Variants in OR5V1 observed in about 807,000 individuals in gnomAD.
OR5V1 encodes olfactory receptor family 5 subfamily V member 1.
For missense variants in OR5V1, 365 were observed against 371.5 expected (o/e 0.98, Z 0.14); for synonymous variants, 134 against 143.2 (o/e 0.94, Z 0.46).
intron 1 of OR5V1, among the ~76,000 whole-genome samples, chr6:29,361,410 C>A (rs1562930289): frequency 6.6e-6 from 1 of 152,000 alleles, no homozygotes; most frequent in Admixed American, 6.6e-5. Flanking sequence ...GGTCAACATC[C>A]AAATTCAGGA....
chr6:29,362,157 A>T (rs1778594064), intron 1 of OR5V1, among the ~76,000 whole-genome samples: 1 of 152,336 alleles, frequency 6.6e-6, no homozygotes, highest in South Asian at 2.1e-4. Flanking sequence ...GATAAAACAG[A>T]ATTTAAACCG....
chr6:29,358,238 C>A (rs1358996353), intron 1 of OR5V1, among the ~76,000 whole-genome samples: 1 of 152,102 alleles, frequency 6.6e-6, no homozygotes, highest in African/African-American at 2.4e-5. Context: ...TCTCTATCTC[C>A]CCTTTCATCT....
Position 29,355,501 on chromosome 6 carries a change from T to C in OR5V1, c.695A>G (p.Glu232Gly). The change falls in exon 2 of 2, where the codon GAG becomes GGG. Residue 232 changes from glutamate (E) to glycine (G), a missense_variant. Transcript: ENST00000641768. ...ISTILRIQSS[E>G]GRRKAFSTCA... ...TGTAGAGAAGGCTTTTCGTCTTCCC[T>C]CTGAGGACTGGATCCTCAAGATGGT... 6.2e-7 allele frequency: 1 copy of C among 1,613,974 alleles called. No individual in the cohort carries two copies. Among genetic ancestry groups the C allele is most frequent in the Non-Finnish European group, 8.5e-7 (1 of 1,179,896 alleles).
rs753127598 is a variant in OR5V1 at position 29,355,448 on chromosome 6, GA to G, written c.747del (p.Leu250SerfsTer19). On this transcript the variant is annotated frameshift_variant, in exon 2 of 2. Coordinates refer to ENST00000641768, the MANE Select transcript of OR5V1 (RefSeq NM_030876.6). LOFTEE classifies it low-confidence loss of function (END_TRUNC). ...GTAAAGATGGCGCTGCCATAAAAGA[GA>G]AAGACAATGGCCAGGTGGGAGGCAC... ...STCASHLAIV[F>X]LFYGSAIFTY... 27 of 1,613,890 alleles carry G rather than the reference GA, an allele frequency of 1.7e-5. No homozygotes were observed. Among genetic ancestry groups the G allele is most frequent in the Non-Finnish European group, 2.2e-5 (26 of 1,179,934 alleles).
chr6:29,367,885 G>A (rs182944753), intron 1 of OR5V1, among the ~76,000 whole-genome samples: 2 of 152,198 alleles, frequency 1.3e-5, no homozygotes, highest in South Asian at 2.1e-4. Context: ...CTAAAGAACC[G>A]AAACTTGATA....
In OR5V1 at chr6:29,355,259, A is replaced by C. The variant is rs746330599; in HGVS notation, c.937T>G (p.Ser313Ala). The part of the protein sequence containing the change: ...TIGSKWQPPI[S>A]SLDSKLTY ...TAAGTGAGTTTACTATCCAAAGAGG[A>C]AATTGGTGGCTGCCACTTGCTCCCT... Residue 313 changes from serine to alanine, a missense_variant, in exon 2 of 2, where the codon TCC becomes GCC. Physicochemically the swap from Ser to Ala is moderately conservative, Grantham distance 99. Transcript: ENST00000641768. 2 of 1,603,522 alleles carry C rather than the reference A, an allele frequency of 1.2e-6. No homozygotes were observed. The highest frequency in any genetic ancestry group is 1.7e-5 in the Admixed American group (1 of 57,624).
chr6:29,362,322 C>T (rs1291028203), intron 1 of OR5V1, among the ~76,000 whole-genome samples: 2 of 152,092 alleles, frequency 1.3e-5, no homozygotes, highest in Non-Finnish European at 2.9e-5. Flanking sequence ...ACTTAGACTC[C>T]CATACAATAA....
At position 29,355,798 on chromosome 6, in the gene OR5V1, G is replaced by A. The variant is rs1195720503; in HGVS notation, c.398C>T (p.Ser133Leu). The A allele has an allele frequency of 1.2e-6, 2 of 1,613,884 alleles. No individual in the cohort carries two copies. Among genetic ancestry groups the A allele is most frequent in the Non-Finnish European group, 1.7e-6 (2 of 1,179,954 alleles). The change falls in exon 2 of 2, where the codon TCA (serine) becomes TTA (leucine). Residue 133 changes from serine to leucine, a missense_variant. By Grantham distance (145) the Ser-to-Leu change is moderately radical. Coordinates refer to ENST00000641768, the MANE Select transcript of OR5V1 (RefSeq NM_030876.6). ...GCATAGAACCTTGCTCAGAATAACTGAATACCTTAAAGGATTGCAGATTGC... is the reference window on the plus strand; with the variant it reads ...GCATAGAACCTTGCTCAGAATAACTAAATACCTTAAAGGATTGCAGATTGC... ...YIAICNPLRY[S>L]VILSKVLCNQ...
chr6:29,367,602 A>G (rs1346419557), intron 1 of OR5V1, among the ~76,000 whole-genome samples: 1 of 152,178 alleles, frequency 6.6e-6, no homozygotes, highest in Non-Finnish European at 1.5e-5. Context: ...TATTAGTTAG[A>G]GTAGAGGAGT....
At chr6:29,362,886 G>C (rs948250185) in intron 1 of OR5V1, among the ~76,000 whole-genome samples, 1 of 152,086 alleles carries the variant, frequency 6.6e-6, no homozygotes, top group Non-Finnish European at 1.5e-5. Context: ...ACAATTAAAA[G>C]AGCTAAAGAA....
At chr6:29,359,525 T>C (rs767243554) in intron 1 of OR5V1, among the ~76,000 whole-genome samples, 2 of 152,196 alleles carry the variant, frequency 1.3e-5, no homozygotes, top group African/African-American at 2.4e-5. Context: ...TCTGGCAAGA[T>C]GGCTGAATAG....
At position 29,355,853 on chromosome 6, in the gene OR5V1, G is replaced by C; in HGVS notation, c.343C>G (p.Leu115Val). 6.2e-7 allele frequency: 1 copy of C among 1,614,026 alleles called. No homozygotes were observed. Among genetic ancestry groups the C allele is most frequent in the Non-Finnish European group, 8.5e-7 (1 of 1,179,946 alleles). Reference protein sequence around the residue: ...VFFVGSECLLLAAMAYDRYIA... With the variant: ...VFFVGSECLLVAAMAYDRYIA... The stretch of plus-strand genomic sequence containing the variant: ...TAACGATCATATGCCATTGCTGCCA[G>C]TAGGAGACACTCTGATCCTACAAAG... The change falls in exon 2 of 2, where the codon CTG becomes GTG. Residue 115 changes from leucine to valine, a missense_variant. Transcript: ENST00000641768.
intron 1 of OR5V1, among the ~76,000 whole-genome samples, chr6:29,358,178 G>T (rs994281597): frequency 6.6e-6 from 1 of 152,086 alleles, no homozygotes; most frequent in African/African-American, 2.4e-5. Context: ...TCCATCTACA[G>T]AAGAACTCCA....
chr6:29,367,082 G>T (rs1160129153), intron 1 of OR5V1, among the ~76,000 whole-genome samples: 1 of 152,148 alleles, frequency 6.6e-6, no homozygotes, highest in Admixed American at 6.5e-5. Flanking sequence ...CTCCTCTAAG[G>T]TTATTTGCCT....
At chr6:29,362,935 A>G (rs1171457474) in intron 1 of OR5V1, among the ~76,000 whole-genome samples, 2 of 152,194 alleles carry the variant, frequency 1.3e-5, no homozygotes, top group East Asian at 3.9e-4. Flanking sequence ...AGAAGACAAG[A>G]AATAACTAAG....
At chr6:29,366,096 T>C (rs60143062) in intron 1 of OR5V1, among the ~76,000 whole-genome samples, 104 of 150,842 alleles carry the variant, frequency 6.9e-4, no homozygotes, top group African/African-American at 2.4e-3. Flanking sequence ...TAAGTGGGAG[T>C]TGAACAATGA....
intron 1 of OR5V1, among the ~76,000 whole-genome samples, chr6:29,364,901 G>T (rs1778775296): frequency 6.6e-6 from 1 of 151,078 alleles, no homozygotes; most frequent in Non-Finnish European, 1.5e-5. Flanking sequence ...GCATGATACT[G>T]GTACCAAAAC....
rs1363397236 is a variant in OR5V1 at position 29,355,160 on chromosome 6, A to G, written c.*70T>C. On this transcript the variant is annotated 3_prime_UTR_variant, in exon 2 of 2. Coordinates refer to ENST00000641768, the MANE Select transcript of OR5V1 (RefSeq NM_030876.6). ...TCCCAACATTGCAATTATCTTTTAA[A>G]CTTTCAATAAAAACAGCTGACTGGT... 5.5e-6 allele frequency: 8 copies of G among 1,457,858 alleles called. No homozygotes were observed. The highest frequency in any genetic ancestry group is 1.4e-5 in the African/African-American group (1 of 70,090). 90.3% of individuals were successfully genotyped at this position (1,457,858 alleles called of 1,614,324 possible). A position where few individuals can be genotyped will look rare whatever the true frequency, so the allele number is the denominator to read the frequency against.
rs149477718 is a variant in OR5V1 at position 29,355,474 on chromosome 6, C to A, written c.722G>T (p.Cys241Phe). ...SEGRRKAFST[C>F]ASHLAIVFLF... ...AAAGACAATGGCCAGGTGGGAGGCACATGTAGAGAAGGCTTTTCGTCTTCC... is the reference window on the plus strand; with the variant it reads ...AAAGACAATGGCCAGGTGGGAGGCAAATGTAGAGAAGGCTTTTCGTCTTCC... The change falls in exon 2 of 2, where the codon TGT becomes TTT. Residue 241 changes from cysteine to phenylalanine, a missense_variant. Cys to Phe is a radical substitution (Grantham distance 205, BLOSUM62 -2). Transcript: ENST00000641768. The A allele has an allele frequency of 6.2e-7, 1 of 1,613,990 alleles. No individual in the cohort carries two copies. Among genetic ancestry groups the A allele is most frequent in the Non-Finnish European group, 8.5e-7 (1 of 1,179,928 alleles).
Sources: allele counts gnomAD v4.1 joint callset (sites outside exome capture counted in the v4.1 genomes callset), GRCh38; gene constraint gnomAD v4.1.1; transcripts MANE v1.5; gene names NCBI Gene and HGNC (gene_info 2026-07-23, HGNC 2026-07-21).